Variants in TMEM63B observed in about 807,000 individuals in gnomAD.
The protein encoded by TMEM63B is mechanosensitive cation channel TMEM63B.
Under a neutral mutation model 102.6 loss-of-function variants are expected in TMEM63B, and 23 were observed. The observed-to-expected ratio is 0.22, with a 90% CI of 0.16 to 0.32. TMEM63B has a LOEUF of 0.32. TMEM63B is among the 10% of genes least tolerant of loss of function. The probability of loss-of-function intolerance (pLI) is 1.00; values close to 1 mark genes in which losing one functional copy is unlikely to be tolerated. For synonymous variants in TMEM63B, 444 were observed against 437.0 expected (o/e 1.02, Z -0.20); for missense variants, 628 against 1,095.9 (o/e 0.57, Z 6.03).
chr6:44,136,331 C>G lies in TMEM63B; in HGVS notation c.279-18C>G. Reference sequence around the variant, plus strand: ...AGACTCACCAGGCTCTCTGATCTCTCATCTCCCTCACCCCCAGTGTGGCTT... The same window carrying G: ...AGACTCACCAGGCTCTCTGATCTCTGATCTCCCTCACCCCCAGTGTGGCTT... On this transcript the variant is annotated intron_variant, in intron 4 of 23. Coordinates refer to ENST00000323267, the MANE Select transcript of TMEM63B (RefSeq NM_018426.3). 1 of 1,611,708 alleles carries G rather than the reference C, an allele frequency of 6.2e-7. No individual in the cohort carries two copies. The highest frequency in any genetic ancestry group is 8.5e-7 in the Non-Finnish European group (1 of 1,177,886).
Position 44,148,112 on chromosome 6 carries a change from G to C in TMEM63B, c.988-140G>C. 1 of 1,288,972 alleles carries C rather than the reference G, an allele frequency of 7.8e-7. No individual in the cohort carries two copies. Among genetic ancestry groups the C allele is most frequent in the Non-Finnish European group, 1.1e-6 (1 of 938,354 alleles). The allele number at this position is 1,288,972 out of a possible 1,614,324, so 79.8% of individuals were successfully genotyped here. ...CACTCCAGCCTGGGCATCAGAGCGA[G>C]ACGCTGTTTCCAAAAAAAAAAAAAT... On this transcript the variant is annotated intron_variant, in intron 12 of 23. Transcript: ENST00000323267. The surrounding 1 kb of genome is among the most constrained non-coding windows in gnomAD (Gnocchi z 5.1).
chr6:44,150,747 AGAG>A lies in TMEM63B; in HGVS notation c.1673+119_1673+121del. The A allele has an allele frequency of 9.1e-7, 1 of 1,097,094 alleles. No homozygotes were observed. The highest frequency in any genetic ancestry group is 1.4e-6 in the Non-Finnish European group (1 of 737,634). The allele number at this position is 1,097,094 out of a possible 1,614,324, so 68.0% of individuals were successfully genotyped here. On this transcript the variant is annotated intron_variant, in intron 18 of 23. Coordinates refer to ENST00000323267, the MANE Select transcript of TMEM63B (RefSeq NM_018426.3). This position sits in a 1 kb window ranked among gnomAD's most constrained non-coding sequence, Gnocchi z 4.7. ...GCTTCCAACTCCTGGAGGGGGCAGA[AGAG>A]AGAGGATCTGGCGGGGTTACCCCAA...
chr6:44,139,338 C>A lies in TMEM63B; in HGVS notation c.408-129C>A, dbSNP rs577515443. ...GGGACCAAGAAGTCCCATTTCAGCCCTATACTACTGCCAGATCAGCTGGAG... is the reference window on the plus strand; with the variant it reads ...GGGACCAAGAAGTCCCATTTCAGCCATATACTACTGCCAGATCAGCTGGAG... On this transcript the variant is annotated intron_variant, in intron 6 of 23. Coordinates refer to ENST00000323267, the MANE Select transcript of TMEM63B (RefSeq NM_018426.3). 5.6e-5 allele frequency: 65 copies of A among 1,162,416 alleles called. No homozygotes were observed. In the East Asian group the frequency reaches 1.5e-3, roughly 26 times the overall value. The allele number at this position is 1,162,416 out of a possible 1,614,324, so 72.0% of individuals were successfully genotyped here. A position where few individuals can be genotyped will look rare whatever the true frequency, so the allele number is the denominator to read the frequency against.
intron 6 of TMEM63B, chr6:44,139,041 C>G (rs1000985567): frequency 2.0e-5 from 5 of 256,408 alleles, no homozygotes; most frequent in African/African-American, 1.1e-4. Context: ...TCCCATCCTT[C>G]CTTCACTTCT....
At chr6:44,138,736 G>GCCCCCCCCCC (rs77370584) in intron 6 of TMEM63B, 308 of 287,936 alleles carry the variant, frequency 1.1e-3, no homozygotes, top group Middle Eastern at 1.8e-3. Context: ...CCCCCTGCCG[G>GCCCCCCCCCC]CCCCCCCGCT....
intron 15 of TMEM63B, 38 bp from the exon 16 acceptor site, chr6:44,149,821 G>A (rs1041968382): frequency 5.1e-6 from 8 of 1,557,002 alleles, no homozygotes; most frequent in Admixed American, 1.8e-5. Flanking sequence ...GGGCCCCCTA[G>A]ACTGCCCTGC....
At position 44,148,114 on chromosome 6, in the gene TMEM63B, C is replaced by T. The variant is rs1040904403; in HGVS notation, c.988-138C>T. 3.1e-5 allele frequency: 40 copies of T among 1,297,500 alleles called. No homozygotes were observed. The highest frequency in any genetic ancestry group is 2.8e-4 in the Middle Eastern group (1 of 3,586). The allele number at this position is 1,297,500 out of a possible 1,614,324, so 80.4% of individuals were successfully genotyped here. On this transcript the variant is annotated intron_variant, in intron 12 of 23. Coordinates refer to ENST00000323267, the MANE Select transcript of TMEM63B (RefSeq NM_018426.3). This position sits in a 1 kb window ranked among gnomAD's most constrained non-coding sequence, Gnocchi z 5.1. The stretch of plus-strand genomic sequence containing the variant: ...CTCCAGCCTGGGCATCAGAGCGAGA[C>T]GCTGTTTCCAAAAAAAAAAAAATGC...
At position 44,138,091 on chromosome 6, in the gene TMEM63B, C is replaced by T. The variant is rs76040626; in HGVS notation, c.370-389C>T. Among the ~76,000 whole-genome samples, 357 of 152,298 alleles carry T rather than the reference C, an allele frequency of 2.3e-3. 2 individuals carry two copies. The highest frequency in any genetic ancestry group is 8.1e-3 in the African/African-American group (336 of 41,558). Reference sequence around the variant, plus strand: ...GGATAAATAGCTGGAATTCAGGCAGCAAGGCCCTCTTCTCTGCTTTTGGCA... The same window carrying T: ...GGATAAATAGCTGGAATTCAGGCAGTAAGGCCCTCTTCTCTGCTTTTGGCA... On this transcript the variant is annotated intron_variant, in intron 5 of 23. Transcript: ENST00000323267.
At chr6:44,133,892 G>A (rs967997399) in intron 1 of TMEM63B, among the ~76,000 whole-genome samples, 7 of 152,360 alleles carry the variant, frequency 4.6e-5, no homozygotes, top group Non-Finnish European at 8.8e-5. Flanking sequence ...ACTGGAGAGA[G>A]GACTATGGTA....
chr6:44,147,073 G>A (rs2128252620), intron 11 of TMEM63B, 146 bp downstream of exon 11: 2 of 989,030 alleles, frequency 2.0e-6, no homozygotes, highest in East Asian at 5.2e-5. Flanking sequence ...TGTTAATTCA[G>A]CTCTGGAAAG....
intron 15 of TMEM63B, 121 bp downstream of exon 15, chr6:44,149,066 A>C: frequency 6.7e-7 from 1 of 1,489,290 alleles, no homozygotes; most frequent in Non-Finnish European, 9.2e-7. Flanking sequence ...CGTGCCACCA[A>C]CCAGCTCCCA....
At chr6:44,135,951 T>C (rs1762851708) in intron 4 of TMEM63B, among the ~76,000 whole-genome samples, 1 of 151,964 alleles carries the variant, frequency 6.6e-6, no homozygotes, top group South Asian at 2.1e-4. Context: ...CCTTCCAGGT[T>C]CTCCTGGTCC....
chr6:44,136,276 G>A lies in TMEM63B; in HGVS notation c.279-73G>A, dbSNP rs1762928545. 6 of 1,268,420 alleles carry A rather than the reference G, an allele frequency of 4.7e-6. No individual in the cohort carries two copies. In the South Asian group the frequency reaches 7.2e-5, roughly 15 times the overall value. 78.6% of individuals were successfully genotyped at this position (1,268,420 alleles called of 1,614,324 possible). On this transcript the variant is annotated intron_variant, in intron 4 of 23. Transcript: ENST00000323267. The stretch of plus-strand genomic sequence containing the variant: ...GTGCCTTCTGTAGCCCTGGAGCTCT[G>A]GAGCACTCAGCCCAGCTTCCCGGGG...
intron 9 of TMEM63B, 38 bp from the exon 10 acceptor site, chr6:44,140,990 C>A (rs1378435235): frequency 6.2e-7 from 1 of 1,603,646 alleles, no homozygotes; most frequent in South Asian, 1.1e-5. Flanking sequence ...CCACTGGGGT[C>A]AAGCCTCAGA....
At chr6:44,145,061 G>C (rs1765066068) in intron 10 of TMEM63B, among the ~76,000 whole-genome samples, 3 of 152,016 alleles carry the variant, frequency 2.0e-5, no homozygotes, top group Admixed American at 1.3e-4. Flanking sequence ...TGAATCACAA[G>C]GTCAGGAGTT....
intron 10 of TMEM63B, among the ~76,000 whole-genome samples, chr6:44,141,367 G>C (rs1764231716): frequency 3.9e-5 from 6 of 152,146 alleles, no homozygotes; most frequent in Admixed American, 3.9e-4. Flanking sequence ...CTCAGACTGG[G>C]TCATAGGTTG....
rs766280091 is a variant in TMEM63B at position 44,147,448 on chromosome 6, A to T, written c.935A>T (p.Asn312Ile). ...QSKENVPTMINPKPCGHLCCC... is the reference protein window; with the variant it reads ...QSKENVPTMIIPKPCGHLCCC... ...AAGGAGAACGTGCCTACCATGATCA[A>T]CCCCAAGCCCTGTGGCCACCTCTGC... The change falls in exon 12 of 24, where the codon AAC becomes ATC. Residue 312 changes from asparagine (N) to isoleucine (I), a missense_variant. Asn to Ile is a moderately radical substitution (Grantham distance 149). Around this residue, in one of 6 missense-constraint regions of TMEM63B, gnomAD observed 336 missense variants for 580.3 expected, o/e 0.58. Coordinates refer to ENST00000323267, the MANE Select transcript of TMEM63B (RefSeq NM_018426.3). 1.2e-6 allele frequency: 2 copies of T among 1,614,042 alleles called. No homozygotes were observed. The highest frequency in any genetic ancestry group is 1.7e-6 in the Non-Finnish European group (2 of 1,179,996).
In TMEM63B at chr6:44,150,774, A is replaced by C; in HGVS notation, c.1673+145A>C. ...AGAGAGGATCTGGCGGGGTTACCCC[A>C]AAGGCACCCACAAGGTGTCTTGGGT... On this transcript the variant is annotated intron_variant, in intron 18 of 23. Transcript: ENST00000323267. This position sits in a 1 kb window ranked among gnomAD's most constrained non-coding sequence, Gnocchi z 4.7. 1 of 821,750 alleles carries C rather than the reference A, an allele frequency of 1.2e-6. No homozygotes were observed. Among genetic ancestry groups the C allele is most frequent in the Non-Finnish European group, 2.0e-6 (1 of 504,972 alleles). The allele number at this position is 821,750 out of a possible 1,614,324, so 50.9% of individuals were successfully genotyped here.
chr6:44,143,197 T>G (rs1435630971), intron 10 of TMEM63B, among the ~76,000 whole-genome samples: 2 of 152,218 alleles, frequency 1.3e-5, no homozygotes, highest in African/African-American at 2.4e-5. Flanking sequence ...GTTAGAAGAT[T>G]AAGGACTGGT....
Sources: allele counts gnomAD v4.1 joint callset (sites outside exome capture counted in the v4.1 genomes callset), GRCh38; gene constraint gnomAD v4.1.1; regional missense constraint gnomAD v4.1.1; non-coding constraint Gnocchi (gnomAD v3.1); transcripts MANE v1.5; gene names NCBI Gene and HGNC (gene_info 2026-07-23, HGNC 2026-07-21).